Variants in TSNARE1 observed in about 807,000 individuals in gnomAD.
The protein encoded by TSNARE1 is t-SNARE domain containing 1.
TSNARE1 carries 49 observed loss-of-function variants against 62.0 expected under a neutral mutation model. That is an observed-to-expected ratio of 0.79 (90% CI 0.63 to 1.00). The LOEUF (loss-of-function observed/expected upper bound fraction) is 1.00. Ranked by LOEUF, TSNARE1 falls within the 50% of genes least tolerant of loss-of-function variation. TSNARE1 has a pLI of 0.00. For synonymous variants in TSNARE1, 328 were observed against 294.4 expected, an observed-to-expected ratio of 1.11 and a Z score of -1.17; for missense variants, 755 against 700.1, an observed-to-expected ratio of 1.08 and a Z score of -0.88.
chr8:142,247,461 T>C (rs1019779806), intron 12 of TSNARE1: 3 of 152,304 alleles, frequency 2.0e-5, no homozygotes, highest in South Asian at 2.1e-4. Flanking sequence ...GTCTGTCCTA[T>C]GCCTGTCTCA....
Position 142,291,084 on chromosome 8 carries a change from T to C in TSNARE1, c.1291-6599A>G, listed in dbSNP as rs1823659860. 6.6e-6 allele frequency among the ~76,000 whole-genome samples: 1 copy of C among 152,050 alleles called. No individual in the cohort carries two copies. The highest frequency in any genetic ancestry group is 1.5e-5 in the Non-Finnish European group (1 of 68,002). On this transcript the variant is annotated intron_variant, in intron 10 of 13. Coordinates refer to ENST00000524325, the MANE Select transcript of TSNARE1 (RefSeq NM_145003.5). The surrounding 1 kb of genome is among the most constrained non-coding windows in gnomAD (Gnocchi z 4.8). ...TCTCCTGCCCAGGGAGATGAATTGC[T>C]GCTCGCCACCCGCTGCTCAGGACTG...
At position 142,317,497 on chromosome 8, in the gene TSNARE1, C is replaced by T. The variant is rs146863605; in HGVS notation, c.984+1047G>A. Among the ~76,000 whole-genome samples, 638 of 152,360 alleles carry T rather than the reference C, an allele frequency of 4.2e-3. 2 individuals are homozygous for T. Among genetic ancestry groups the T allele is most frequent in the Admixed American group, 7.6e-3 (117 of 15,312 alleles). ...AAGCAGGTACAGCCAGAGTCTCACA[C>T]TGTGCTTATGAAGCGGGTTCGGGCC... On this transcript the variant is annotated intron_variant, in intron 7 of 13. Coordinates refer to ENST00000524325, the MANE Select transcript of TSNARE1 (RefSeq NM_145003.5).
rs1243951937 is a variant in TSNARE1, at chr8:142,334,798, T to G, written c.746-2967A>C. 2.6e-5 allele frequency among the ~76,000 whole-genome samples: 4 copies of G among 152,170 alleles called. No homozygotes were observed. In the East Asian group the frequency reaches 7.7e-4, roughly 29 times the overall value. ...GCTGAAAGACAATGGAAGGATGTCT[T>G]TAAAGTGCTGGACGGAAAAACCTGC... On this transcript the variant is annotated intron_variant, in intron 4 of 13. Coordinates refer to ENST00000524325, the MANE Select transcript of TSNARE1 (RefSeq NM_145003.5).
At chr8:142,345,127 C>T (rs927880744) in intron 3 of TSNARE1, among the ~76,000 whole-genome samples, 1 of 152,258 alleles carries the variant, frequency 6.6e-6, no homozygotes, top group African/African-American at 2.4e-5. Flanking sequence ...GCACTGGCAA[C>T]AGTGGCAAAG....
At chr8:142,398,735 C>T (rs1272566868) in intron 1 of TSNARE1, among the ~76,000 whole-genome samples, 1 of 152,220 alleles carries the variant, frequency 6.6e-6, no homozygotes, top group Non-Finnish European at 1.5e-5. Flanking sequence ...CAGACAGCAG[C>T]CCTGATGGCA....
rs577441109 is a variant in TSNARE1 at position 142,333,053 on chromosome 8, C to T, written c.746-1222G>A. On this transcript the variant is annotated intron_variant, in intron 4 of 13. Transcript: ENST00000524325. ...GAGCGAACGGGGCGAAGGTCGAGAA[C>T]GACCAAGGCAATCCCCGGGGCCTCT... Among the ~76,000 whole-genome samples the T allele has an allele frequency of 7.2e-5, 11 of 152,360 alleles. No individual in the cohort carries two copies. In the South Asian group the frequency reaches 8.3e-4, roughly 11 times the overall value.
chr8:142,320,178 C>G lies in TSNARE1; in HGVS notation c.894-1544G>C, dbSNP rs371943069. 9.8e-5 allele frequency among the ~76,000 whole-genome samples: 15 copies of G among 152,328 alleles called. No homozygotes were observed. In the South Asian group the frequency reaches 1.9e-3, roughly 19 times the overall value. On this transcript the variant is annotated intron_variant, in intron 6 of 13. Transcript: ENST00000524325. ...GCATCCCCTCACATTCTGTGCACAG[C>G]AGGCCTGAGCGATTCTGCTAAAGAC...
intron 1 of TSNARE1, among the ~76,000 whole-genome samples, chr8:142,390,771 A>G (rs62511403): frequency 1.9e-4 from 6 of 31,688 alleles, no homozygotes; most frequent in African/African-American, 8.3e-4. Flanking sequence ...GGACTCCGTA[A>G]CAGACGCTGT....
At chr8:142,276,221 C>G in intron 11 of TSNARE1, 1 of 985,466 alleles carries the variant, frequency 1.0e-6, no homozygotes, top group Non-Finnish European at 1.2e-6. Flanking sequence ...ACGGCCTCGG[C>G]CGCTCCTGGA....
chr8:142,231,537 G>A (rs1817116116), intron 12 of TSNARE1, among the ~76,000 whole-genome samples: 1 of 152,184 alleles, frequency 6.6e-6, no homozygotes, highest in Non-Finnish European at 1.5e-5. Flanking sequence ...CAGTGCACAG[G>A]ACAAGGCGCA....
rs576025982 is a variant in TSNARE1, at chr8:142,223,128, A to G, written c.*11+6345T>C. Among the ~76,000 whole-genome samples the G allele has an allele frequency of 2.4e-3, 138 of 57,714 alleles. 29 individuals carry two copies. The highest frequency in any genetic ancestry group is 9.4e-3 in the African/African-American group (126 of 13,336). 37.9% of individuals were successfully genotyped at this position (57,714 alleles called of 152,430 possible). A position where few individuals can be genotyped will look rare whatever the true frequency, so the allele number is the denominator to read the frequency against. Reference sequence around the variant, plus strand: ...CACTCACTCGTTCACTCATTCACTCATTCACTCATTCACTCATCCACTCAC... The same window carrying G: ...CACTCACTCGTTCACTCATTCACTCGTTCACTCATTCACTCATCCACTCAC... On this transcript the variant is annotated intron_variant, in intron 13 of 13. Transcript: ENST00000524325.
chr8:142,351,216 T>C (rs1045243796), intron 2 of TSNARE1, among the ~76,000 whole-genome samples: 1 of 152,220 alleles, frequency 6.6e-6, no homozygotes, highest in Non-Finnish European at 1.5e-5. Context: ...TGAGTCTACT[T>C]TGATGTGTTT....
intron 6 of TSNARE1, among the ~76,000 whole-genome samples, chr8:142,328,824 G>T (rs1441013899): frequency 3.9e-5 from 5 of 129,378 alleles, no homozygotes; most frequent in South Asian, 6.0e-4. Flanking sequence ...CCTTTGGGGG[G>T]GGGGAGGGTT....
At chr8:142,227,882 C>A (rs1816915736) in intron 13 of TSNARE1, among the ~76,000 whole-genome samples, 1 of 152,246 alleles carries the variant, frequency 6.6e-6, no homozygotes, top group Non-Finnish European at 1.5e-5. Flanking sequence ...CATGGCCTGG[C>A]ACACAGTAGA....
intron 1 of TSNARE1, among the ~76,000 whole-genome samples, chr8:142,385,558 G>A (rs934216022): frequency 3.9e-5 from 6 of 152,282 alleles, no homozygotes; most frequent in South Asian, 2.1e-4. Context: ...AGGGGAATAC[G>A]ACAAGAGGGA....
In TSNARE1 at chr8:142,283,067, C is replaced by T. The variant is rs931078675; in HGVS notation, c.1363+1346G>A. Among the ~76,000 whole-genome samples the T allele has an allele frequency of 5.3e-3, 668 of 126,946 alleles. 32 individuals are homozygous for T. The highest frequency in any genetic ancestry group is 0.017 in the African/African-American group (426 of 25,444). 83.3% of individuals were successfully genotyped at this position (126,946 alleles called of 152,430 possible). On this transcript the variant is annotated intron_variant, in intron 11 of 13. Coordinates refer to ENST00000524325, the MANE Select transcript of TSNARE1 (RefSeq NM_145003.5). ...GGCGGGACCAGTGTCTGTCAGTGAG[C>T]GGAGGTGGGGCCAGTGTCTATCAAT...
Position 142,273,010 on chromosome 8 carries a change from T to C in TSNARE1, c.1446+1771A>G, listed in dbSNP as rs1020788118. On this transcript the variant is annotated intron_variant, in intron 12 of 13. Coordinates refer to ENST00000524325, the MANE Select transcript of TSNARE1 (RefSeq NM_145003.5). ...TCGGGAACAGGAGTGGGACAGTCTA[T>C]GCAGAGGTGACTTCACGGCCGCCTC... 14 of 985,462 alleles carry C rather than the reference T, an allele frequency of 1.4e-5. No homozygotes were observed. In the Admixed American group the frequency reaches 6.1e-4, roughly 43 times the overall value. 61.0% of individuals were successfully genotyped at this position (985,462 alleles called of 1,614,324 possible). A position where few individuals can be genotyped will look rare whatever the true frequency, so the allele number is the denominator to read the frequency against.
intron 1 of TSNARE1, among the ~76,000 whole-genome samples, chr8:142,382,307 G>A (rs766100321): frequency 3.9e-5 from 6 of 152,168 alleles, no homozygotes; most frequent in African/African-American, 7.2e-5. Flanking sequence ...CAGAATCAGC[G>A]GTGGAGAAGC....
At chr8:142,393,624 C>T (rs866534408) in intron 1 of TSNARE1, among the ~76,000 whole-genome samples, 3 of 152,232 alleles carry the variant, frequency 2.0e-5, no homozygotes, top group Admixed American at 6.5e-5. Flanking sequence ...GAGCAGAGGC[C>T]ACATTCTCCC....
Sources: allele counts gnomAD v4.1 joint callset (sites outside exome capture counted in the v4.1 genomes callset), GRCh38; gene constraint gnomAD v4.1.1; non-coding constraint Gnocchi (gnomAD v3.1); transcripts MANE v1.5; gene names NCBI Gene and HGNC (gene_info 2026-07-23, HGNC 2026-07-21).